RNF182: variants seen among roughly 807,000 people sequenced by gnomAD.
RNF182 encodes the protein E3 ubiquitin-protein ligase RNF182.
RNF182 carries 15 observed loss-of-function variants against 14.4 expected under a neutral mutation model. The ratio of observed to expected loss-of-function variants is 1.04; its 90% CI spans 0.70 to 1.60. The LOEUF is 1.60. RNF182 is among the 40% of genes most tolerant of loss of function. The probability of loss-of-function intolerance (pLI) is 0.00; values close to 1 mark genes in which losing one functional copy is unlikely to be tolerated. For synonymous variants in RNF182, 128 were observed against 122.9 expected (o/e 1.04, Z -0.27); for missense variants, 268 against 294.8 (o/e 0.91, Z 0.67).
upstream of RNF182, chr6:13,924,485 A>T (rs1321643073): frequency 6.6e-6 from 1 of 152,250 alleles, no homozygotes; most frequent in Non-Finnish European, 1.5e-5. Context: ...ACCGAGTACC[A>T]GTTGCTCAAC....
In RNF182 at chr6:13,966,759, T is replaced by TCCCCACCC. The variant is rs1163205331; in HGVS notation, c.-366-7435_-366-7428dup. 2.3e-4 allele frequency among the ~76,000 whole-genome samples: 26 copies of TCCCCACCC among 113,428 alleles called. No individual in the cohort carries two copies. In the Admixed American group the frequency reaches 2.3e-3, roughly 10 times the overall value. 74.4% of individuals were successfully genotyped at this position (113,428 alleles called of 152,430 possible). On this transcript the variant is annotated intron_variant, in intron 1 of 2. Transcript: ENST00000488300. ...GCCTGGGCGACAGATCAGGAACCTGTCCCCACCCCCCCACCCCCCCACCAA... is the reference window on the plus strand; with the variant it reads ...GCCTGGGCGACAGATCAGGAACCTGTCCCCACCCCCCCACCCCCCCACCCCCCCACCAA...
At chr6:13,933,871 A>G (rs974567418) in intron 1 of RNF182, among the ~76,000 whole-genome samples, 5 of 152,096 alleles carry the variant, frequency 3.3e-5, no homozygotes, top group Non-Finnish European at 7.4e-5. Flanking sequence ...TACAAAAATT[A>G]GCTAGGCCTG....
At chr6:13,938,802 A>T (rs1759208732) in intron 1 of RNF182, among the ~76,000 whole-genome samples, 1 of 152,076 alleles carries the variant, frequency 6.6e-6, no homozygotes, top group Non-Finnish European at 1.5e-5. Context: ...CTTATGATGT[A>T]TTTGTCTAAT....
At chr6:13,964,665 C>A (rs1456525518) in intron 1 of RNF182, among the ~76,000 whole-genome samples, 2 of 152,110 alleles carry the variant, frequency 1.3e-5, no homozygotes, top group African/African-American at 2.4e-5. Flanking sequence ...CCTTCCTAGG[C>A]TTGGCTGGTA....
chr6:13,973,390 A>G (rs1315415086), intron 1 of RNF182, among the ~76,000 whole-genome samples: 1 of 152,058 alleles, frequency 6.6e-6, no homozygotes, highest in Non-Finnish European at 1.5e-5. Context: ...TGGTTTTGAG[A>G]TGTGAGGACA....
chr6:13,967,736 A>T (rs1000927447), intron 1 of RNF182, among the ~76,000 whole-genome samples: 1 of 151,846 alleles, frequency 6.6e-6, no homozygotes, highest in Admixed American at 6.6e-5. Context: ...AAATTTATTA[A>T]TTTTTTTTTA....
chr6:13,955,173 G>T (rs1048876123), intron 1 of RNF182, among the ~76,000 whole-genome samples: 1 of 152,182 alleles, frequency 6.6e-6, no homozygotes, highest in Non-Finnish European at 1.5e-5. Context: ...GGAATGCAGC[G>T]TTGGACGGGA....
chr6:13,966,750 A>G (rs1263857358), intron 1 of RNF182, among the ~76,000 whole-genome samples: 2 of 151,698 alleles, frequency 1.3e-5, no homozygotes, highest in East Asian at 3.9e-4. Context: ...GCGACAGATC[A>G]GGAACCTGTC....
At chr6:13,959,103 G>A (rs1195833370) in intron 1 of RNF182, among the ~76,000 whole-genome samples, 1 of 152,162 alleles carries the variant, frequency 6.6e-6, no homozygotes, top group Non-Finnish European at 1.5e-5. Context: ...GAACTTGCCA[G>A]CCAGCCAGAA....
chr6:13,927,027 C>T (rs1758847587), intron 1 of RNF182, among the ~76,000 whole-genome samples: 1 of 152,008 alleles, frequency 6.6e-6, no homozygotes, highest in Admixed American at 6.5e-5. Flanking sequence ...CTAGCTCACA[C>T]GGGCACAACA....
chr6:13,967,538 CAGAAT>C (rs1760064249), intron 1 of RNF182, among the ~76,000 whole-genome samples: 1 of 152,126 alleles, frequency 6.6e-6, no homozygotes, highest in Non-Finnish European at 1.5e-5. Context: ...TAGAACCACA[CAGAAT>C]ATTTCTTTCT....
In RNF182 at chr6:13,929,330, A is replaced by T. The variant is rs115360727; in HGVS notation, c.-367+4307A>T. 6.3e-3 allele frequency among the ~76,000 whole-genome samples: 957 copies of T among 152,288 alleles called. 9 individuals are homozygous for T. The highest frequency in any genetic ancestry group is 0.022 in the African/African-American group (922 of 41,572). On this transcript the variant is annotated intron_variant, in intron 1 of 2. Coordinates refer to ENST00000488300, the MANE Select transcript of RNF182 (RefSeq NM_152737.4). ...TTGTGAATCATCTTCCCTCTTCTATAGCTATAGTCATTCAAGGCAGACATG... is the reference window on the plus strand; with the variant it reads ...TTGTGAATCATCTTCCCTCTTCTATTGCTATAGTCATTCAAGGCAGACATG...
At chr6:13,954,233 T>C (rs1344225085) in intron 1 of RNF182, among the ~76,000 whole-genome samples, 1 of 152,218 alleles carries the variant, frequency 6.6e-6, no homozygotes. Context: ...TTGAAGAGAC[T>C]TGCCTTTAAA....
At chr6:13,974,567 A>T (rs527307846) in intron 2 of RNF182, among the ~76,000 whole-genome samples, 1 of 152,352 alleles carries the variant, frequency 6.6e-6, no homozygotes, top group East Asian at 1.9e-4. Flanking sequence ...CAAGGAAATA[A>T]TTTAGGTTCA....
At position 13,978,183 on chromosome 6, in the gene RNF182, G is replaced by A. The variant is rs944079587; in HGVS notation, c.*320G>A. ...TGTGGTGTGTTATACTATAGGGAGA[G>A]CATGGATCCCTCCTTTCGTATTCAT... On this transcript the variant is annotated 3_prime_UTR_variant, in exon 3 of 3. Coordinates refer to ENST00000488300, the MANE Select transcript of RNF182 (RefSeq NM_152737.4). 2 of 231,498 alleles carry A rather than the reference G, an allele frequency of 8.6e-6. No homozygotes were observed. Among genetic ancestry groups the A allele is most frequent in the Non-Finnish European group, 1.8e-5 (2 of 108,158 alleles). 14.3% of individuals were successfully genotyped at this position (231,498 alleles called of 1,614,324 possible). A position where few individuals can be genotyped will look rare whatever the true frequency, so the allele number is the denominator to read the frequency against.
chr6:13,954,545 A>T (rs1014544821), intron 1 of RNF182, among the ~76,000 whole-genome samples: 1 of 152,160 alleles, frequency 6.6e-6, no homozygotes, highest in Non-Finnish European at 1.5e-5. Flanking sequence ...GGGATTTTTA[A>T]ATTTAAATTT....
At chr6:13,958,038 TG>T (rs570952927) in intron 1 of RNF182, among the ~76,000 whole-genome samples, 98 of 152,340 alleles carry the variant, frequency 6.4e-4, no homozygotes, top group African/African-American at 2.3e-3. Flanking sequence ...CTAGATGCTA[TG>T]ACTTATAAGT....
intron 1 of RNF182, among the ~76,000 whole-genome samples, chr6:13,931,996 C>T (rs1036724045): frequency 2.6e-5 from 4 of 152,138 alleles, no homozygotes; most frequent in African/African-American, 9.7e-5. Flanking sequence ...CATCTGTGAA[C>T]CAATAAGTGG....
intron 1 of RNF182, chr6:13,961,433 C>T (rs1246482276): frequency 2.0e-5 from 3 of 152,152 alleles, no homozygotes; most frequent in Non-Finnish European, 4.4e-5. Context: ...GAGCCAGGTC[C>T]CAAATCTCGG....
Sources: gnomAD v4.1 joint callset for allele counts (sites outside exome capture counted in the v4.1 genomes callset) on GRCh38, gnomAD v4.1.1 for gene constraint, MANE v1.5 for transcripts, NCBI Gene and HGNC (gene_info 2026-07-23, HGNC 2026-07-21) for gene names.